The following LARGE1 variants were observed in gnomAD, a reference collection of about 807,000 sequenced individuals.
LARGE1 encodes xylosyl- and glucuronyltransferase LARGE1.
In LARGE1, 43 loss-of-function variants were observed where a neutral mutation model predicts 87.6. The observed-to-expected ratio is 0.49, with a 90% CI of 0.38 to 0.63. The LOEUF (loss-of-function observed/expected upper bound fraction) is 0.63. LARGE1 is among the 30% of genes least tolerant of loss of function. LARGE1 has a pLI of 0.00. For synonymous variants in LARGE1, 434 were observed against 394.6 expected, an observed-to-expected ratio of 1.10 and a Z score of -1.18; for missense variants, 802 against 1,000.2, an observed-to-expected ratio of 0.80 and a Z score of 2.67.
chr22:33,260,342 A>G (rs970387401), intron 11 of LARGE1, among the ~76,000 whole-genome samples: 6 of 152,222 alleles, frequency 3.9e-5, no homozygotes, highest in Non-Finnish European at 2.9e-5. Flanking sequence ...CACCTTCCTC[A>G]GACTCTCTTC....
chr22:33,712,212 A>G (rs1227661791), intron 2 of LARGE1, among the ~76,000 whole-genome samples: 1 of 151,940 alleles, frequency 6.6e-6, no homozygotes, highest in African/African-American at 2.4e-5. Context: ...AACCCTGGGG[A>G]TGGGGGAAAA....
At chr22:33,660,413 C>T (rs113669845) in intron 2 of LARGE1, among the ~76,000 whole-genome samples, 3,200 of 152,190 alleles carry the variant, frequency 0.021, 107 homozygotes, top group African/African-American at 0.074. Context: ...ACAGTGTATA[C>T]TAGAAAAGGT....
the LARGE1 span, among the ~76,000 whole-genome samples, chr22:33,072,474 A>G: frequency 1.3e-5 from 2 of 152,140 alleles, no homozygotes; most frequent in Admixed American, 1.3e-4. Flanking sequence ...GAGACAATAG[A>G]TAGTTGTGAT....
At chr22:33,073,814 A>T in the LARGE1 span, among the ~76,000 whole-genome samples, 1 of 152,202 alleles carries the variant, frequency 6.6e-6, no homozygotes, top group African/African-American at 2.4e-5. Flanking sequence ...GAACATATAC[A>T]TGCTAATAAA....
chr22:33,779,183 T>C (rs1353514014), intron 1 of LARGE1, among the ~76,000 whole-genome samples: 2 of 152,200 alleles, frequency 1.3e-5, no homozygotes, highest in Admixed American at 6.5e-5. Context: ...TTATTAATGA[T>C]CCTAAATTTC....
chr22:33,295,868 G>A (rs776796697), intron 12 of LARGE1, among the ~76,000 whole-genome samples: 9 of 152,178 alleles, frequency 5.9e-5, no homozygotes, highest in African/African-American at 9.7e-5. Context: ...AGCAAGATCC[G>A]GTGATTCCTT....
At chr22:33,221,823 A>G (rs1383877360) in intron 11 of LARGE1, 1 of 152,302 alleles carries the variant, frequency 6.6e-6, no homozygotes, top group East Asian at 1.9e-4. Context: ...AATAGGAACC[A>G]GCCCCACCAA....
At chr22:33,740,612 G>C (rs919867504) in intron 2 of LARGE1, among the ~76,000 whole-genome samples, 1 of 152,050 alleles carries the variant, frequency 6.6e-6, no homozygotes, top group East Asian at 1.9e-4. Flanking sequence ...ATATGTGCTC[G>C]GTATGCAATG....
intron 5 of LARGE1, among the ~76,000 whole-genome samples, chr22:33,589,588 C>T (rs1192143209): frequency 6.6e-6 from 1 of 152,100 alleles, no homozygotes; most frequent in Non-Finnish European, 1.5e-5. Flanking sequence ...CTGCTGTGAA[C>T]TCCACTTCCC....
At chr22:33,686,296 C>T (rs59680168) in intron 2 of LARGE1, among the ~76,000 whole-genome samples, 1 of 151,988 alleles carries the variant, frequency 6.6e-6, no homozygotes, top group Non-Finnish European at 1.5e-5. Flanking sequence ...ACCCAATCCA[C>T]TAACAACCCC....
chr22:33,345,327 C>T (rs1320666295), intron 9 of LARGE1, among the ~76,000 whole-genome samples: 1 of 152,160 alleles, frequency 6.6e-6, no homozygotes, highest in Non-Finnish European at 1.5e-5. Flanking sequence ...AATTCTGTGT[C>T]CCTTATTTCT....
At chr22:33,548,524 C>T (rs1972207) in intron 6 of LARGE1, among the ~76,000 whole-genome samples, 73,222 of 151,930 alleles carry the variant, frequency 0.48, 18,057 homozygotes, top group Admixed American at 0.57. Context: ...CAGGCGATTC[C>T]CCTGCCTTAG....
At chr22:33,554,881 G>T (rs747900214) in intron 6 of LARGE1, among the ~76,000 whole-genome samples, 3 of 151,988 alleles carry the variant, frequency 2.0e-5, no homozygotes, top group Non-Finnish European at 2.9e-5. Flanking sequence ...AATAGTTATC[G>T]GGCACCTTCT....
At chr22:33,799,470 TGCTCTTGTTGCACAG>T (rs984500409) in intron 1 of LARGE1, among the ~76,000 whole-genome samples, 3 of 152,158 alleles carry the variant, frequency 2.0e-5, no homozygotes, top group Non-Finnish European at 2.9e-5. Context: ...GAAGTTGTTT[TGCTCTTGTTGCACAG>T]GCTGGAGGGC....
chr22:33,475,353 AAGG>A (rs1341170350), intron 6 of LARGE1, among the ~76,000 whole-genome samples: 11 of 152,276 alleles, frequency 7.2e-5, no homozygotes, highest in East Asian at 1.9e-4. Context: ...AGACAAACTG[AAGG>A]AGATCAAGGT....
At chr22:33,702,866 A>G (rs889551547) in intron 2 of LARGE1, among the ~76,000 whole-genome samples, 9 of 152,192 alleles carry the variant, frequency 5.9e-5, no homozygotes, top group African/African-American at 2.2e-4. Context: ...TGCCAGAACA[A>G]TGGAGCAGGA....
intron 3 of LARGE1, among the ~76,000 whole-genome samples, chr22:33,640,537 A>T (rs1438525520): frequency 1.3e-5 from 2 of 152,176 alleles, no homozygotes; most frequent in African/African-American, 4.8e-5. Flanking sequence ...TAGCTGCAGG[A>T]GTTTTTTTTT....
intron 6 of LARGE1, among the ~76,000 whole-genome samples, chr22:33,466,841 C>A (rs2068638850): frequency 6.6e-6 from 1 of 152,048 alleles, no homozygotes; most frequent in Admixed American, 6.6e-5. Flanking sequence ...GAGTTCAAGA[C>A]CAGCCTGACA....
intron 1 of LARGE1, among the ~76,000 whole-genome samples, chr22:33,803,225 GCTTCTATACAA>G (rs146305591): frequency 0.021 from 3,268 of 152,160 alleles, 55 homozygotes; most frequent in South Asian, 0.044. Flanking sequence ...TAGGGGTTCT[GCTTCTATACAA>G]CTTCTATACA....
Sources: gnomAD v4.1 joint callset for allele counts (sites outside exome capture counted in the v4.1 genomes callset) on GRCh38, gnomAD v4.1.1 for gene constraint, MANE v1.5 for transcripts, NCBI Gene and HGNC (gene_info 2026-07-23, HGNC 2026-07-21) for gene names.